The following TMEM230 variants were observed in gnomAD, a reference collection of about 807,000 sequenced individuals.
TMEM230 encodes the protein UPF0414 transmembrane protein C20orf30.
In TMEM230, 10 loss-of-function variants were observed where a neutral mutation model predicts 15.8. The observed-to-expected ratio is 0.63, with a 90% CI of 0.39 to 1.07. The LOEUF is 1.07. Ranked by LOEUF, TMEM230 falls within the 50% of genes least tolerant of loss-of-function variation. The pLI is 0.01. For synonymous variants in TMEM230, 67 were observed against 76.9 expected, an observed-to-expected ratio of 0.87 and a Z score of 0.68; for missense variants, 165 against 193.3, an observed-to-expected ratio of 0.85 and a Z score of 0.87.
chr20:5,099,781 C>T (rs1041012729), downstream of TMEM230: 1 of 905,790 alleles, frequency 1.1e-6, no homozygotes, highest in East Asian at 1.2e-4. Flanking sequence ...TGCCAGCTAC[C>T]TAGAAACTAA....
chr20:5,088,984 T>C, intron 3 of TMEM230, among the ~76,000 whole-genome samples: 1 of 152,352 alleles, frequency 6.6e-6, no homozygotes, highest in South Asian at 2.1e-4. Flanking sequence ...GACTATTTTA[T>C]GTTGATAATA....
At chr20:5,069,386 G>A (rs2088752768) in intron 3 of TMEM230, 3 of 1,510,716 alleles carry the variant, frequency 2.0e-6, no homozygotes, top group Non-Finnish European at 1.8e-6. Context: ...TCCACCACAA[G>A]TTCTGCCTCT....
chr20:5,109,563 T>C (rs1009400278), intron 2 of TMEM230, 118 bp from the exon 2 acceptor site: 1 of 759,476 alleles, frequency 1.3e-6, no homozygotes, highest in Admixed American at 2.6e-5. Flanking sequence ...CATGTCAGAC[T>C]AGCAATGGGC....
downstream of TMEM230, among the ~76,000 whole-genome samples, chr20:5,095,688 G>A (rs139139821): frequency 2.6e-5 from 4 of 152,258 alleles, no homozygotes; most frequent in East Asian, 1.9e-4. Context: ...ATCAGTCAGC[G>A]CTTCTCAGAC....
downstream of TMEM230, among the ~76,000 whole-genome samples, chr20:5,097,352 C>G (rs2089691601): frequency 6.6e-6 from 1 of 152,164 alleles, no homozygotes; most frequent in Admixed American, 6.5e-5. Flanking sequence ...ACAGCTGAAG[C>G]AACTGGAGAG....
intron 2 of TMEM230, chr20:5,111,454 C>G (rs755376602): frequency 5.5e-6 from 1 of 181,758 alleles, no homozygotes; most frequent in Admixed American, 6.3e-5. Flanking sequence ...ACTAGAAATA[C>G]AAAAATTAGC....
chr20:5,092,086 C>T (rs2089523812), intron 3 of TMEM230, among the ~76,000 whole-genome samples: 1 of 152,194 alleles, frequency 6.6e-6, no homozygotes, highest in Admixed American at 6.6e-5. Context: ...AGACTTTGTG[C>T]CTGCCTCCTT....
chr20:5,088,993 T>C (rs1376213915), intron 3 of TMEM230, among the ~76,000 whole-genome samples: 1 of 152,222 alleles, frequency 6.6e-6, no homozygotes, highest in Non-Finnish European at 1.5e-5. Context: ...ATGTTGATAA[T>C]ATACTGAGAT....
chr20:5,061,744 A>C, the TMEM230 span, among the ~76,000 whole-genome samples: 2 of 152,152 alleles, frequency 1.3e-5, no homozygotes, highest in Non-Finnish European at 2.9e-5. Context: ...GGAGCAAAGG[A>C]CCAATTTCAA....
At chr20:5,092,455 C>T (rs569059919) in intron 3 of TMEM230, among the ~76,000 whole-genome samples, 37 of 152,212 alleles carry the variant, frequency 2.4e-4, no homozygotes, top group African/African-American at 6.0e-4. Flanking sequence ...CGGTGGCTCA[C>T]GCCTGTAATC....
intron 2 of TMEM230, among the ~76,000 whole-genome samples, chr20:5,110,309 T>TA (rs1339507503): frequency 6.6e-6 from 1 of 151,268 alleles, no homozygotes; most frequent in Non-Finnish European, 1.5e-5. Flanking sequence ...TTCTTTGCGA[T>TA]AGTCTCACTT....
chr20:5,110,821 C>T (rs975087773), intron 2 of TMEM230, among the ~76,000 whole-genome samples: 5 of 152,184 alleles, frequency 3.3e-5, no homozygotes, highest in African/African-American at 1.2e-4. Flanking sequence ...GAAATCATGG[C>T]TATTATGTCA....
At chr20:5,065,556 T>C (rs958894750), downstream of TMEM230, among the ~76,000 whole-genome samples, 10 of 152,174 alleles carry the variant, frequency 6.6e-5, no homozygotes, top group Non-Finnish European at 1.0e-4. Flanking sequence ...GTGGGGCCTA[T>C]TTTCCTGGCT....
At chr20:5,103,265 C>T (rs1012527408) in intron 4 of TMEM230, among the ~76,000 whole-genome samples, 3 of 151,860 alleles carry the variant, frequency 2.0e-5, no homozygotes, top group Non-Finnish European at 4.4e-5. Context: ...AGTTTAAGAC[C>T]AGCCTGGGCA....
At chr20:5,110,067 A>G (rs1329070812) in intron 2 of TMEM230, among the ~76,000 whole-genome samples, 1 of 151,762 alleles carries the variant, frequency 6.6e-6, no homozygotes, top group African/African-American at 2.4e-5. Context: ...GTTTGTTTGT[A>G]TTTTTTGGAG....
At chr20:5,065,253 C>CAAAAAA (rs986106311), downstream of TMEM230, among the ~76,000 whole-genome samples, 1 of 143,174 alleles carries the variant, frequency 7.0e-6, no homozygotes, top group Non-Finnish European at 1.5e-5. Context: ...CCCCATCTCT[C>CAAAAAA]AAAAAAAAAA....
At chr20:5,093,624 C>T (rs2089577016) in intron 3 of TMEM230, among the ~76,000 whole-genome samples, 1 of 151,896 alleles carries the variant, frequency 6.6e-6, no homozygotes, top group South Asian at 2.1e-4. Context: ...GCAACCTCCA[C>T]CTCCCGGGTT....
intron 3 of TMEM230, among the ~76,000 whole-genome samples, chr20:5,084,467 C>A (rs2089277559): frequency 6.6e-6 from 1 of 151,806 alleles, no homozygotes; most frequent in South Asian, 2.1e-4. Flanking sequence ...CGTGATCCAC[C>A]CACCTCAGCC....
At chr20:5,064,718 CAAT>C (rs2088635699), downstream of TMEM230, among the ~76,000 whole-genome samples, 2 of 151,644 alleles carry the variant, frequency 1.3e-5, no homozygotes, top group South Asian at 4.2e-4. Flanking sequence ...AAACAAAACT[CAAT>C]AATAAATTTT....
Sources: gnomAD v4.1 joint callset for allele counts (sites outside exome capture counted in the v4.1 genomes callset) on GRCh38, gnomAD v4.1.1 for gene constraint, MANE v1.5 for transcripts, NCBI Gene and HGNC (gene_info 2026-07-23, HGNC 2026-07-21) for gene names.